NKAIN1: variants seen among roughly 807,000 people sequenced by gnomAD.
NKAIN1 encodes sodium/potassium-transporting ATPase subunit beta-1-interacting protein 1.
NKAIN1 carries 13 observed loss-of-function variants against 31.6 expected under a neutral mutation model. The observed-to-expected ratio is 0.41, with a 90% CI of 0.27 to 0.65. The LOEUF (loss-of-function observed/expected upper bound fraction) is 0.65, where lower values mean the gene tolerates loss of function less well. NKAIN1 is among the 30% of genes least tolerant of loss of function. The probability of loss-of-function intolerance (pLI) is 0.30; values close to 1 mark genes in which losing one functional copy is unlikely to be tolerated. For missense variants in NKAIN1, 193 were observed against 262.2 expected, an observed-to-expected ratio of 0.74 and a Z score of 1.82; for synonymous variants, 104 against 109.0, an observed-to-expected ratio of 0.95 and a Z score of 0.28.
chr1:31,224,837 G>A (rs763639726), intron 1 of NKAIN1, among the ~76,000 whole-genome samples: 2 of 152,104 alleles, frequency 1.3e-5, no homozygotes, highest in Non-Finnish European at 2.9e-5. Context: ...CTTGGAGGGT[G>A]GCCAGCTTTT....
rs59749604 is a variant in NKAIN1 at position 31,233,102 on chromosome 1, C to T, written c.54+6392G>A. Reference sequence around the variant, plus strand: ...TAGCTGAAATTACAGGTGCCCACCACCACGCTCGGCTAATTTTTTGTATTT... The same window carrying T: ...TAGCTGAAATTACAGGTGCCCACCATCACGCTCGGCTAATTTTTTGTATTT... On this transcript the variant is annotated intron_variant, in intron 1 of 6. Coordinates refer to ENST00000373736, the MANE Select transcript of NKAIN1 (RefSeq NM_024522.3). This position sits in a 1 kb window ranked among gnomAD's most constrained non-coding sequence, Gnocchi z 4.0. Among the ~76,000 whole-genome samples the T allele has an allele frequency of 6.6e-6, 1 of 152,140 alleles. No homozygotes were observed. Among genetic ancestry groups the T allele is most frequent in the Non-Finnish European group, 1.5e-5 (1 of 68,034 alleles).
chr1:31,189,450 G>T (rs1208792826), intron 1 of NKAIN1, among the ~76,000 whole-genome samples: 2 of 152,170 alleles, frequency 1.3e-5, no homozygotes, highest in Admixed American at 1.3e-4. Context: ...CCGAGTAGCT[G>T]GGACTACAGG....
intron 2 of NKAIN1, 72 bp downstream of exon 2, chr1:31,187,978 G>T: frequency 6.8e-7 from 1 of 1,475,066 alleles, no homozygotes; most frequent in African/African-American, 1.4e-5. Flanking sequence ...CTGGTTTTGA[G>T]GAGCAGGGAG....
intron 1 of NKAIN1, among the ~76,000 whole-genome samples, chr1:31,230,978 G>A (rs1645643692): frequency 6.7e-6 from 1 of 148,788 alleles, no homozygotes; most frequent in South Asian, 2.1e-4. Flanking sequence ...CGCCTCCCAG[G>A]TTCAAGTGAT....
chr1:31,203,190 G>A (rs577006983), intron 1 of NKAIN1, among the ~76,000 whole-genome samples: 25 of 151,514 alleles, frequency 1.7e-4, no homozygotes, highest in African/African-American at 4.8e-4. Flanking sequence ...ACTTGCACCC[G>A]GGAGGCAGAG....
chr1:31,196,438 A>T (rs1315337421), intron 1 of NKAIN1, among the ~76,000 whole-genome samples: 1 of 146,898 alleles, frequency 6.8e-6, no homozygotes, highest in Middle Eastern at 3.7e-3. Context: ...GCTTGAACCC[A>T]GGAGGCGGAG....
At chr1:31,193,614 T>C (rs1267469050) in intron 1 of NKAIN1, among the ~76,000 whole-genome samples, 1 of 151,952 alleles carries the variant, frequency 6.6e-6, no homozygotes, top group Non-Finnish European at 1.5e-5. Context: ...GAGAATTACT[T>C]GAACCCGGGA....
intron 1 of NKAIN1, among the ~76,000 whole-genome samples, chr1:31,209,018 A>G (rs1298404715): frequency 2.0e-5 from 3 of 152,174 alleles, no homozygotes; most frequent in Non-Finnish European, 4.4e-5. Flanking sequence ...CTCCCTTCAC[A>G]GGGAAGATGC....
chr1:31,206,185 A>T (rs905127408), intron 1 of NKAIN1, among the ~76,000 whole-genome samples: 5 of 146,198 alleles, frequency 3.4e-5, no homozygotes, highest in Non-Finnish European at 7.6e-5. Flanking sequence ...CAGTGAGCCA[A>T]GATCCCACCA....
chr1:31,221,910 A>C (rs1400882878), intron 1 of NKAIN1, among the ~76,000 whole-genome samples: 1 of 148,900 alleles, frequency 6.7e-6, no homozygotes, highest in African/African-American at 2.5e-5. Flanking sequence ...ACAGAGTCTC[A>C]CTCTGTCACC....
At chr1:31,187,340 T>G (rs1218023282) in intron 2 of NKAIN1, among the ~76,000 whole-genome samples, 6 of 152,084 alleles carry the variant, frequency 3.9e-5, no homozygotes, top group Admixed American at 2.0e-4. Flanking sequence ...AGCAGGAGTT[T>G]GACAGAGACT....
Position 31,225,998 on chromosome 1 carries a change from A to C in NKAIN1, c.54+13496T>G, listed in dbSNP as rs1419746307. On this transcript the variant is annotated intron_variant, in intron 1 of 6. Coordinates refer to ENST00000373736, the MANE Select transcript of NKAIN1 (RefSeq NM_024522.3). Reference sequence around the variant, plus strand: ...TGCTTCTTGAGCCTTAAGTTGCTTCATCTGTTAAATGGGAATGACAGATTA... The same window carrying C: ...TGCTTCTTGAGCCTTAAGTTGCTTCCTCTGTTAAATGGGAATGACAGATTA... Among the ~76,000 whole-genome samples, 4 of 152,204 alleles carry C rather than the reference A, an allele frequency of 2.6e-5. No homozygotes were observed. The South Asian group carries it at 8.3e-4, about 31-fold the overall frequency.
At chr1:31,184,371 G>C (rs1159953101) in intron 3 of NKAIN1, among the ~76,000 whole-genome samples, 1 of 152,054 alleles carries the variant, frequency 6.6e-6, no homozygotes. Flanking sequence ...TTGGGGCCTT[G>C]GTCTCCACAT....
intron 2 of NKAIN1, among the ~76,000 whole-genome samples, chr1:31,187,021 T>C (rs573384754): frequency 2.0e-5 from 3 of 152,174 alleles, no homozygotes; most frequent in Non-Finnish European, 4.4e-5. Flanking sequence ...ACCTGGCAGA[T>C]AGTGTTGTTG....
rs1246179828 is a variant in NKAIN1, at chr1:31,239,836, G to A, written c.-289C>T. On this transcript the variant is annotated 5_prime_UTR_variant, in exon 1 of 7. Coordinates refer to ENST00000373736, the MANE Select transcript of NKAIN1 (RefSeq NM_024522.3). The surrounding 1 kb of genome is among the most constrained non-coding windows in gnomAD (Gnocchi z 4.8). ...CCTGCCCCGGGGCGGCTGGCGGGGA[G>A]CGCGGAGCAAGGAGAGCGAGCCCCG... 6.6e-6 allele frequency among the ~76,000 whole-genome samples: 1 copy of A among 151,964 alleles called. No homozygotes were observed. The highest frequency in any genetic ancestry group is 1.5e-5 in the Non-Finnish European group (1 of 67,934).
chr1:31,199,962 A>C (rs1645364132), intron 1 of NKAIN1, among the ~76,000 whole-genome samples: 1 of 151,928 alleles, frequency 6.6e-6, no homozygotes, highest in South Asian at 2.1e-4. Flanking sequence ...GTGCCTAGGG[A>C]CCTGTGAAGA....
chr1:31,234,521 C>T (rs1366032949), intron 1 of NKAIN1, among the ~76,000 whole-genome samples: 2 of 149,218 alleles, frequency 1.3e-5, no homozygotes, highest in Non-Finnish European at 2.9e-5. Context: ...TTTCTGAATA[C>T]CTACTATGTG....
chr1:31,228,008 C>T (rs1645620667), intron 1 of NKAIN1, among the ~76,000 whole-genome samples: 1 of 152,186 alleles, frequency 6.6e-6, no homozygotes, highest in Non-Finnish European at 1.5e-5. Flanking sequence ...GACCAGAACA[C>T]CATTTGTCAG....
chr1:31,185,862 G>A (rs955360435), intron 2 of NKAIN1, among the ~76,000 whole-genome samples: 1 of 152,094 alleles, frequency 6.6e-6, no homozygotes, highest in African/African-American at 2.4e-5. Flanking sequence ...TAGAGGGCGA[G>A]GACTCTGACT....
Sources: allele counts gnomAD v4.1 joint callset (sites outside exome capture counted in the v4.1 genomes callset), GRCh38; gene constraint gnomAD v4.1.1; non-coding constraint Gnocchi (gnomAD v3.1); transcripts MANE v1.5; gene names NCBI Gene and HGNC (gene_info 2026-07-23, HGNC 2026-07-21).